The following CNOT1 variants were observed in gnomAD, a reference collection of about 807,000 sequenced individuals.
CNOT1 encodes CCR4-associated factor 1.
A neutral mutation model predicts 273.8 loss-of-function variants in CNOT1; 15 were observed. The ratio of observed to expected loss-of-function variants is 0.05; its 90% CI spans 0.04 to 0.08. The LOEUF is 0.08. CNOT1 is among the 10% of genes least tolerant of loss of function. The probability of loss-of-function intolerance (pLI) is 1.00; values close to 1 mark genes in which losing one functional copy is unlikely to be tolerated. For missense variants in CNOT1, 1,644 were observed against 2,912.2 expected (o/e 0.56, Z 10.02); for synonymous variants, 1,022 against 1,005.5 (o/e 1.02, Z -0.31).
At chr16:58,606,068 T>G (rs975436256) in intron 1 of CNOT1, among the ~76,000 whole-genome samples, 1 of 152,110 alleles carries the variant, frequency 6.6e-6, no homozygotes, top group African/African-American at 2.4e-5. Flanking sequence ...AACTGTTACC[T>G]GAACAATGAT....
intron 42 of CNOT1, 26 bp from the exon 43 acceptor site, chr16:58,530,373 C>A: frequency 6.5e-7 from 1 of 1,534,496 alleles, no homozygotes; most frequent in South Asian, 1.2e-5. Flanking sequence ...GTACATGAGT[C>A]ATAATTATAC....
intron 10 of CNOT1, 47 bp from the exon 11 acceptor site, chr16:58,581,562 T>G (rs369196928): frequency 5.7e-5 from 86 of 1,496,402 alleles, no homozygotes; most frequent in Non-Finnish European, 7.7e-5. Flanking sequence ...GTGTGTATAT[T>G]TTGATACATT....
chr16:58,530,381 T>TA, intron 42 of CNOT1, 34 bp from the exon 43 acceptor site: 1 of 1,529,248 alleles, frequency 6.5e-7, no homozygotes, highest in Non-Finnish European at 9.0e-7. Flanking sequence ...GTCATAATTA[T>TA]ACTCAGCTGT....
intron 1 of CNOT1, among the ~76,000 whole-genome samples, chr16:58,607,611 A>G (rs1205802786): frequency 6.6e-6 from 1 of 151,370 alleles, no homozygotes; most frequent in East Asian, 1.9e-4. Flanking sequence ...TTGTAATCCC[A>G]GCTACTTAGG....
At position 58,551,019 on chromosome 16, in the gene CNOT1, C is replaced by T. The variant is rs2040433122; in HGVS notation, c.3342+113G>A. The T allele has an allele frequency of 2.0e-6, 3 of 1,522,002 alleles. No homozygotes were observed. The East Asian group carries it at 7.1e-5, about 36-fold the overall frequency. The allele number at this position is 1,522,002 out of a possible 1,614,324, so 94.3% of individuals were successfully genotyped here. A position where few individuals can be genotyped will look rare whatever the true frequency, so the allele number is the denominator to read the frequency against. Reference sequence around the variant, plus strand: ...CCCACTAGTTAAATATACATATTCCCTTTGAGTTTATTACCTCTACCTTTA... The same window carrying T: ...CCCACTAGTTAAATATACATATTCCTTTTGAGTTTATTACCTCTACCTTTA... On this transcript the variant is annotated intron_variant, in intron 24 of 48. Coordinates refer to ENST00000317147, the MANE Select transcript of CNOT1 (RefSeq NM_016284.5).
intron 17 of CNOT1, chr16:58,559,990 AT>A (rs2040774331): frequency 7.7e-7 from 1 of 1,299,938 alleles, no homozygotes; most frequent in African/African-American, 1.5e-5. Flanking sequence ...ATTTACCTAA[AT>A]AAATTGTCTG....
At chr16:58,545,306 A>G in intron 30 of CNOT1, 55 bp downstream of exon 30, 1 of 1,595,034 alleles carries the variant, frequency 6.3e-7, no homozygotes, top group Non-Finnish European at 8.5e-7. Flanking sequence ...GTGGCCAAAC[A>G]AAATTTACCT....
At chr16:58,617,355 T>C (rs544117523) in intron 1 of CNOT1, among the ~76,000 whole-genome samples, 1 of 151,452 alleles carries the variant, frequency 6.6e-6, no homozygotes, top group African/African-American at 2.4e-5. Context: ...AGCAAGAGTG[T>C]CTCAAAAAAA....
At position 58,581,201 on chromosome 16, in the gene CNOT1, T is replaced by C. The variant is rs796647731; in HGVS notation, c.1215+144A>G. 14 of 912,506 alleles carry C rather than the reference T, an allele frequency of 1.5e-5. No homozygotes were observed. The African/African-American group carries it at 1.9e-4, about 12-fold the overall frequency. The allele number at this position is 912,506 out of a possible 1,614,324, so 56.5% of individuals were successfully genotyped here. On this transcript the variant is annotated intron_variant, in intron 11 of 48. Transcript: ENST00000317147. ...TAAAACTATGATAATATTCCTTCAATACTTATGGACAGTCCTTGCTTTTCT... is the reference window on the plus strand; with the variant it reads ...TAAAACTATGATAATATTCCTTCAACACTTATGGACAGTCCTTGCTTTTCT...
Position 58,521,331 on chromosome 16 carries a change from G to A in CNOT1, c.6918-14C>T. 1 of 1,593,474 alleles carries A rather than the reference G, an allele frequency of 6.3e-7. No individual in the cohort carries two copies. Among genetic ancestry groups the A allele is most frequent in the South Asian group, 1.2e-5 (1 of 86,638 alleles). ...TCCAAGAGAACTCTGGAAAAAGGGAGAAAGAGCTAGTTAATGTATAGAAGC... is the reference window on the plus strand; with the variant it reads ...TCCAAGAGAACTCTGGAAAAAGGGAAAAAGAGCTAGTTAATGTATAGAAGC... On this transcript the variant is annotated splice_polypyrimidine_tract_variant and intron_variant, in intron 47 of 48. Transcript: ENST00000317147.
chr16:58,562,641 G>A (rs942167937), intron 16 of CNOT1, among the ~76,000 whole-genome samples: 1 of 151,928 alleles, frequency 6.6e-6, no homozygotes, highest in Non-Finnish European at 1.5e-5. Context: ...GGCCAACACA[G>A]TGAAATCCCG....
chr16:58,538,606 A>G (rs1355076592), intron 36 of CNOT1, among the ~76,000 whole-genome samples, 166 bp downstream of exon 36: 1 of 152,196 alleles, frequency 6.6e-6, no homozygotes, highest in Non-Finnish European at 1.5e-5. Context: ...GGTAGAGACC[A>G]GATGGAAAAC....
In CNOT1 at chr16:58,534,219, T is replaced by C; in HGVS notation, c.5823A>G (p.Arg1941=). ...KCYHNLDAFV[R]LIALLVKHSG... Reference sequence around the variant, plus strand: ...AGTGTTTCACGAGCAGTGCAATGAGTCGAACAAAGGCATCCAGGTTGTGAT... The same window carrying C: ...AGTGTTTCACGAGCAGTGCAATGAGCCGAACAAAGGCATCCAGGTTGTGAT... Residue 1941 remains arginine, a synonymous_variant, in exon 40 of 49, where the codon CGA becomes CGG. Transcript: ENST00000317147. 1 of 1,614,076 alleles carries C rather than the reference T, an allele frequency of 6.2e-7. No homozygotes were observed. Among genetic ancestry groups the C allele is most frequent in the South Asian group, 1.1e-5 (1 of 91,074 alleles).
At position 58,522,362 on chromosome 16, in the gene CNOT1, C is replaced by A. The variant is rs553895752; in HGVS notation, c.6917+1008G>T. On this transcript the variant is annotated intron_variant, in intron 47 of 48. Coordinates refer to ENST00000317147, the MANE Select transcript of CNOT1 (RefSeq NM_016284.5). ...TATATCCTTTCACGTACCAACTGTA[C>A]ATGAAGCATAACAAAGATTACAAGT... Among the ~76,000 whole-genome samples, 4 of 150,840 alleles carry A rather than the reference C, an allele frequency of 2.7e-5. No individual in the cohort carries two copies. In the South Asian group the frequency reaches 8.4e-4, roughly 32 times the overall value.
At chr16:58,580,270 T>G (rs2041610667) in intron 12 of CNOT1, among the ~76,000 whole-genome samples, 1 of 149,028 alleles carries the variant, frequency 6.7e-6, no homozygotes, top group South Asian at 2.1e-4. Flanking sequence ...ACTATTAGAT[T>G]TGACAGGTTG....
chr16:58,607,501 G>GCATT (rs2042720900), intron 1 of CNOT1, among the ~76,000 whole-genome samples: 1 of 151,936 alleles, frequency 6.6e-6, no homozygotes, highest in Non-Finnish European at 1.5e-5. Context: ...GCCAAGGCAG[G>GCATT]CATTCACCTG....
chr16:58,580,303 T>A (rs186336346), intron 12 of CNOT1, among the ~76,000 whole-genome samples: 527 of 136,982 alleles, frequency 3.8e-3, no homozygotes, highest in Middle Eastern at 7.8e-3. Flanking sequence ...AACTTACAAA[T>A]AAAAAAAAAA....
intron 43 of CNOT1, among the ~76,000 whole-genome samples, chr16:58,528,941 T>TAA (rs34692465): frequency 1.5e-5 from 2 of 137,174 alleles, no homozygotes; most frequent in Non-Finnish European, 1.6e-5. Context: ...CTTCAGAAGC[T>TAA]AAAAAAAAAA....
intron 16 of CNOT1, 145 bp from the exon 17 acceptor site, chr16:58,560,507 A>G (rs982323730): frequency 2.7e-5 from 37 of 1,384,232 alleles, no homozygotes; most frequent in Non-Finnish European, 3.3e-5. Flanking sequence ...ATATCAATTC[A>G]CTGCAACCTC....
Sources: gnomAD v4.1 joint callset for allele counts (sites outside exome capture counted in the v4.1 genomes callset) on GRCh38, gnomAD v4.1.1 for gene constraint, MANE v1.5 for transcripts, NCBI Gene and HGNC (gene_info 2026-07-23, HGNC 2026-07-21) for gene names.